ADAMTSL2: variants seen among roughly 807,000 people sequenced by gnomAD.
The protein encoded by ADAMTSL2 is ADAMTS-like protein 2.
In ADAMTSL2, 55 loss-of-function variants were observed where a neutral mutation model predicts 117.0. That is an observed-to-expected ratio of 0.47 (90% CI 0.38 to 0.59). The LOEUF is 0.59. Among genes scored for constraint, ADAMTSL2 ranks in the 20% least tolerant of loss-of-function variants. ADAMTSL2 has a pLI of 0.00. For missense variants in ADAMTSL2, 1,182 were observed against 1,354.5 expected, an observed-to-expected ratio of 0.87 and a Z score of 2.00; for synonymous variants, 572 against 566.4, an observed-to-expected ratio of 1.01 and a Z score of -0.14.
Position 133,573,912 on chromosome 9 carries a change from C to T in ADAMTSL2, c.2662C>T (p.Arg888Cys). The change falls in exon 18 of 19, where the codon CGT (arginine) becomes TGT (cysteine). Residue 888 changes from arginine to cysteine, a missense_variant. Around this residue, in one of 3 missense-constraint regions of ADAMTSL2, gnomAD observed 465 missense variants for 565.3 expected, o/e 0.82. Transcript: ENST00000651351. ...GTGCTACCAGGGGACCGACATCGTC[C>T]GTGGTTGCGATCCGTTGGTGAAGCC... ...VKCYQGTDIV[R>C]GCDPLVKPVG... 7 of 1,614,108 alleles carry T rather than the reference C, an allele frequency of 4.3e-6. No homozygotes were observed. Among genetic ancestry groups the T allele is most frequent in the Non-Finnish European group, 5.9e-6 (7 of 1,180,014 alleles).
intron 15 of ADAMTSL2, 126 bp downstream of exon 15, chr9:133,568,884 C>A: frequency 7.9e-7 from 1 of 1,260,444 alleles, no homozygotes; most frequent in Non-Finnish European, 1.1e-6. Context: ...GTCCAACCAG[C>A]CTTCTCCCAT....
chr9:133,572,215 C>A (rs1397004798), intron 17 of ADAMTSL2, among the ~76,000 whole-genome samples: 1 of 144,234 alleles, frequency 6.9e-6, no homozygotes, highest in Admixed American at 6.8e-5. Context: ...TCTGCCTGCC[C>A]TGTAGCACAC....
chr9:133,533,280 G>A (rs1829979786), upstream of ADAMTSL2, among the ~76,000 whole-genome samples: 1 of 152,120 alleles, frequency 6.6e-6, no homozygotes, highest in African/African-American at 2.4e-5. Flanking sequence ...GTTAGGGTTA[G>A]TCCTGGTTCC....
chr9:133,563,304 G>C (rs929145785), intron 12 of ADAMTSL2, among the ~76,000 whole-genome samples: 62 of 152,372 alleles, frequency 4.1e-4, no homozygotes, highest in Middle Eastern at 3.4e-3. Flanking sequence ...CTTCCGGGCA[G>C]ACCCCTAGCG....
rs1185585382 is a variant in ADAMTSL2 at position 133,536,742 on chromosome 9, G to C, written c.30G>C (p.Trp10Cys). The change falls in exon 2 of 19, where the codon TGG becomes TGC. Residue 10 changes from tryptophan (W) to cysteine (C), a missense_variant. Trp to Cys is a radical substitution (Grantham distance 215, BLOSUM62 -2). Around this residue, in one of 3 missense-constraint regions of ADAMTSL2, gnomAD observed 372 missense variants for 463.4 expected, o/e 0.80. Coordinates refer to ENST00000651351, the MANE Select transcript of ADAMTSL2 (RefSeq NM_014694.4). ...ATGGCAGATGGCAATGTTCCTGCTG[G>C]GCCTGGTTCCTGCTGGTTCTGGCAG... MDGRWQCSC[W>C]AWFLLVLAVV... 6.2e-7 allele frequency: 1 copy of C among 1,614,206 alleles called. No individual in the cohort carries two copies.
chr9:133,573,920 C>T lies in ADAMTSL2; in HGVS notation c.2670C>T (p.Cys890=), dbSNP rs1032219746. The T allele has an allele frequency of 3.1e-6, 5 of 1,613,928 alleles. No individual in the cohort carries two copies. Among genetic ancestry groups the T allele is most frequent in the Admixed American group, 1.7e-5 (1 of 59,998 alleles). ...AGGGGACCGACATCGTCCGTGGTTG[C>T]GATCCGTTGGTGAAGCCCGTTGGCA... ...CYQGTDIVRG[C]DPLVKPVGRQ... The change falls in exon 18 of 19, where the codon TGC becomes TGT. Residue 890 remains cysteine, a synonymous_variant. Coordinates refer to ENST00000651351, the MANE Select transcript of ADAMTSL2 (RefSeq NM_014694.4).
intron 18 of ADAMTSL2, among the ~76,000 whole-genome samples, chr9:133,574,321 G>A (rs1260127838): frequency 4.6e-5 from 7 of 152,212 alleles, no homozygotes; most frequent in Non-Finnish European, 7.4e-5. Flanking sequence ...CAGCTGGAGC[G>A]GCCAGGGGCT....
intron 1 of ADAMTSL2, among the ~76,000 whole-genome samples, chr9:133,535,170 G>A (rs900028040): frequency 6.6e-6 from 1 of 152,212 alleles, no homozygotes; most frequent in African/African-American, 2.4e-5. Flanking sequence ...TGGACCCCAG[G>A]GAGGGATGGA....
At chr9:133,573,770 G>A in intron 17 of ADAMTSL2, 73 bp from the exon 18 acceptor site, 17 of 1,596,984 alleles carry the variant, frequency 1.1e-5, no homozygotes, top group Middle Eastern at 1.8e-4. Context: ...GAGTGTGCAG[G>A]TTCCCCGCCC....
intron 12 of ADAMTSL2, among the ~76,000 whole-genome samples, chr9:133,562,443 TC>T (rs1830751036): frequency 1.4e-5 from 2 of 147,640 alleles, no homozygotes; most frequent in Non-Finnish European, 3.0e-5. Context: ...GGCACCCGGC[TC>T]GGCCAGGCTC....
chr9:133,547,563 T>C (rs1588286821), intron 9 of ADAMTSL2, among the ~76,000 whole-genome samples: 2 of 152,352 alleles, frequency 1.3e-5, no homozygotes, highest in East Asian at 3.9e-4. Context: ...ATCCATTCAC[T>C]GTGGCTAGCT....
chr9:133,568,872 A>T, intron 15 of ADAMTSL2, 114 bp downstream of exon 15: 2 of 1,367,900 alleles, frequency 1.5e-6, no homozygotes, highest in African/African-American at 2.8e-5. Flanking sequence ...GAGGTCAAGA[A>T]TGTCCAACCA....
rs1264643198 is a variant in ADAMTSL2 at position 133,554,318 on chromosome 9, G to A, written c.940-39G>A. The A allele has an allele frequency of 6.6e-7, 1 of 1,512,446 alleles. No individual in the cohort carries two copies. Among genetic ancestry groups the A allele is most frequent in the Non-Finnish European group, 8.9e-7 (1 of 1,126,718 alleles). The allele number at this position is 1,512,446 out of a possible 1,614,324, so 93.7% of individuals were successfully genotyped here. ...GGATTGGTGGGGAAGGGGCTGGACA[G>A]AGTAAGGAGGGGCTGGGGACCCACT... On this transcript the variant is annotated intron_variant, in intron 9 of 18. Coordinates refer to ENST00000651351, the MANE Select transcript of ADAMTSL2 (RefSeq NM_014694.4). This position sits in a 1 kb window ranked among gnomAD's most constrained non-coding sequence, Gnocchi z 5.2.
intron 11 of ADAMTSL2, among the ~76,000 whole-genome samples, chr9:133,560,435 C>T (rs1830699776): frequency 6.6e-6 from 1 of 152,248 alleles, no homozygotes; most frequent in Non-Finnish European, 1.5e-5. Flanking sequence ...CTCTGCTTCC[C>T]TCCTCCCCTG....
intron 12 of ADAMTSL2, among the ~76,000 whole-genome samples, chr9:133,565,905 C>T (rs1272110950): frequency 2.6e-5 from 4 of 152,120 alleles, no homozygotes; most frequent in Non-Finnish European, 5.9e-5. Flanking sequence ...ACCCTAACCC[C>T]ACCCCAAGGC....
intron 7 of ADAMTSL2, among the ~76,000 whole-genome samples, chr9:133,543,696 A>T (rs917193757): frequency 4.6e-5 from 7 of 152,218 alleles, no homozygotes; most frequent in African/African-American, 1.7e-4. Context: ...CGGTGAGACA[A>T]GCGTCAAGCC....
chr9:133,567,183 G>A, intron 13 of ADAMTSL2, 121 bp downstream of exon 13: 1 of 1,311,692 alleles, frequency 7.6e-7, no homozygotes, highest in Non-Finnish European at 1.0e-6. Flanking sequence ...GGCCGTGGGG[G>A]CTCTTCGAGG....
chr9:133,557,695 T>G lies in ADAMTSL2; in HGVS notation c.1649+1765T>G, dbSNP rs973597496. Among the ~76,000 whole-genome samples the G allele has an allele frequency of 1.3e-5, 2 of 152,180 alleles. No homozygotes were observed. The highest frequency in any genetic ancestry group is 2.9e-5 in the Non-Finnish European group (2 of 68,016). On this transcript the variant is annotated intron_variant, in intron 11 of 18. Transcript: ENST00000651351. This position sits in a 1 kb window ranked among gnomAD's most constrained non-coding sequence, Gnocchi z 5.2. Reference sequence around the variant, plus strand: ...GGGGCATTCCCTGGTATTCCGTGTGTGAGGCCCACGGTAAGGCCTCCAGTA... The same window carrying G: ...GGGGCATTCCCTGGTATTCCGTGTGGGAGGCCCACGGTAAGGCCTCCAGTA...
In ADAMTSL2 at chr9:133,568,281, C is replaced by G. The variant is rs1209679413; in HGVS notation, c.1883C>G (p.Thr628Arg). 6.4e-7 allele frequency: 1 copy of G among 1,565,790 alleles called. No homozygotes were observed. Among genetic ancestry groups the G allele is most frequent in the Non-Finnish European group, 8.6e-7 (1 of 1,156,854 alleles). The change falls in exon 14 of 19, where the codon ACG becomes AGG. Residue 628 changes from threonine (T) to arginine (R), a missense_variant. Thr to Arg is a moderately conservative substitution (Grantham distance 71). This residue lies in a region of ADAMTSL2 where 465 missense variants were observed against 565.3 expected (regional missense o/e 0.82). Coordinates refer to ENST00000651351, the MANE Select transcript of ADAMTSL2 (RefSeq NM_014694.4). ...ATCCGCTCCCGGGGCAGGTGGGAGA[C>G]GAGCAGCTGGAGCGAGTGTTCGCGC... ...AGRECQPRWETSSWSECSRTC... is the reference protein window; with the variant it reads ...AGRECQPRWERSSWSECSRTC...
Sources: gnomAD v4.1 joint callset for allele counts (sites outside exome capture counted in the v4.1 genomes callset) on GRCh38, gnomAD v4.1.1 for gene constraint, gnomAD v4.1.1 regional missense constraint, Gnocchi (gnomAD v3.1) non-coding constraint, MANE v1.5 for transcripts, NCBI Gene and HGNC (gene_info 2026-07-23, HGNC 2026-07-21) for gene names.